The following GPHN variants were observed in gnomAD, a reference collection of about 807,000 sequenced individuals.
GPHN encodes gephyrin.
GPHN carries 17 observed loss-of-function variants against 95.5 expected under a neutral mutation model. That is an observed-to-expected ratio of 0.18 (90% CI 0.12 to 0.27). GPHN has a LOEUF of 0.27. Among genes scored for constraint, GPHN ranks in the 10% least tolerant of loss-of-function variants. The pLI is 1.00. For synonymous variants in GPHN, 320 were observed against 322.5 expected, an observed-to-expected ratio of 0.99 and a Z score of 0.08; for missense variants, 660 against 978.1, an observed-to-expected ratio of 0.67 and a Z score of 4.34.
chr14:67,305,386 C>A, the GPHN span, among the ~76,000 whole-genome samples: 1 of 151,958 alleles, frequency 6.6e-6, no homozygotes, highest in Non-Finnish European at 1.5e-5. Flanking sequence ...CTCAAGCAGT[C>A]CTCCTACCTC....
intron 12 of GPHN, among the ~76,000 whole-genome samples, chr14:67,096,543 C>T (rs752988208): frequency 1.3e-5 from 2 of 151,952 alleles, no homozygotes; most frequent in Non-Finnish European, 2.9e-5. Context: ...TATTTATTAT[C>T]AGCGATGACT....
At chr14:66,855,896 T>C (rs1362040360) in intron 4 of GPHN, among the ~76,000 whole-genome samples, 1 of 152,184 alleles carries the variant, frequency 6.6e-6, no homozygotes, top group Non-Finnish European at 1.5e-5. Flanking sequence ...ATTCCAAGCC[T>C]GAAGTAGCCA....
At chr14:67,660,594 C>T in the GPHN span, among the ~76,000 whole-genome samples, 6 of 152,196 alleles carry the variant, frequency 3.9e-5, no homozygotes, top group Non-Finnish European at 8.8e-5. Flanking sequence ...TCCTGCTCCT[C>T]TTTCTGAAAA....
At chr14:67,208,391 A>C in the GPHN span, 1 of 1,614,022 alleles carries the variant, frequency 6.2e-7, no homozygotes, top group Non-Finnish European at 8.5e-7. Context: ...GAAGGATAAG[A>C]CCTCTGAAGA....
At chr14:66,719,584 A>G (rs191015216) in intron 2 of GPHN, among the ~76,000 whole-genome samples, 12 of 152,160 alleles carry the variant, frequency 7.9e-5, no homozygotes, top group East Asian at 3.9e-4. Context: ...TCTGTAGCCA[A>G]AATTCACCGT....
At chr14:66,709,459 G>C in intron 2 of GPHN, 1 of 455,478 alleles carries the variant, frequency 2.2e-6, no homozygotes, top group Non-Finnish European at 4.4e-6. Flanking sequence ...CAGATGGCTG[G>C]TAAGTGAATA....
intron 4 of GPHN, among the ~76,000 whole-genome samples, chr14:66,832,979 C>A (rs1276947415): frequency 6.6e-6 from 1 of 152,044 alleles, no homozygotes; most frequent in East Asian, 1.9e-4. Flanking sequence ...ATCTTTCTGG[C>A]TAAAACAGAG....
At chr14:66,714,273 G>A (rs780531524) in intron 2 of GPHN, among the ~76,000 whole-genome samples, 24 of 152,116 alleles carry the variant, frequency 1.6e-4, no homozygotes, top group Non-Finnish European at 3.1e-4. Flanking sequence ...AAAAGGAGTT[G>A]AGTTTTTTAT....
At chr14:67,698,056 C>T in the GPHN span, among the ~76,000 whole-genome samples, 3 of 152,168 alleles carry the variant, frequency 2.0e-5, no homozygotes, top group East Asian at 5.8e-4. Context: ...GGCTAATCAA[C>T]ATTGCAGTCA....
chr14:67,080,559 A>T (rs2076654165), intron 11 of GPHN, among the ~76,000 whole-genome samples: 1 of 152,018 alleles, frequency 6.6e-6, no homozygotes, highest in Non-Finnish European at 1.5e-5. Flanking sequence ...TAGGTCTTTA[A>T]TGCAGGTTGA....
chr14:67,056,812 G>A (rs1218442073), intron 10 of GPHN, among the ~76,000 whole-genome samples: 1 of 119,726 alleles, frequency 8.4e-6, no homozygotes, highest in Non-Finnish European at 1.8e-5. Flanking sequence ...CAGTGGGGGT[G>A]GGGGGGGGTC....
chr14:67,695,557 T>C, the GPHN span: 1 of 1,464,402 alleles, frequency 6.8e-7, no homozygotes, highest in South Asian at 1.2e-5. Flanking sequence ...AAGAAAGCTT[T>C]GGTGGGGATT....
At chr14:67,212,576 G>T in the GPHN span, among the ~76,000 whole-genome samples, 1 of 119,378 alleles carries the variant, frequency 8.4e-6, no homozygotes, top group African/African-American at 3.3e-5. Context: ...GGGTGACAGA[G>T]CAAGACCCTG....
the GPHN span, among the ~76,000 whole-genome samples, chr14:67,443,741 C>T: frequency 0.026 from 3,939 of 152,166 alleles, 74 homozygotes; most frequent in Non-Finnish European, 0.037. Flanking sequence ...TGCACTCCAG[C>T]CTGGGCAACA....
chr14:67,416,902 C>T, the GPHN span, among the ~76,000 whole-genome samples: 3 of 152,230 alleles, frequency 2.0e-5, no homozygotes, highest in Non-Finnish European at 4.4e-5. Flanking sequence ...GAGCTGTGAA[C>T]ATTGAGTGGT....
At chr14:66,793,453 A>G (rs926857398) in intron 3 of GPHN, among the ~76,000 whole-genome samples, 1 of 152,242 alleles carries the variant, frequency 6.6e-6, no homozygotes, top group African/African-American at 2.4e-5. Context: ...GATGGTTAAT[A>G]TAATAAGCCA....
the GPHN span, among the ~76,000 whole-genome samples, chr14:67,694,727 G>C: frequency 1.3e-5 from 2 of 151,972 alleles, no homozygotes; most frequent in African/African-American, 4.8e-5. Flanking sequence ...CTGGAAGAGG[G>C]GCACCAGAGA....
At chr14:67,237,066 G>A in the GPHN span, among the ~76,000 whole-genome samples, 1 of 151,698 alleles carries the variant, frequency 6.6e-6, no homozygotes, top group African/African-American at 2.4e-5. Context: ...CTCCAGCCTG[G>A]GTGACTGAGC....
chr14:66,894,964 T>G (rs2064752136), intron 5 of GPHN, among the ~76,000 whole-genome samples: 1 of 152,178 alleles, frequency 6.6e-6, no homozygotes, highest in Non-Finnish European at 1.5e-5. Flanking sequence ...TCCTCAAGGA[T>G]CTAGAACTAG....
Sources: gnomAD v4.1 joint callset for allele counts (sites outside exome capture counted in the v4.1 genomes callset) on GRCh38, gnomAD v4.1.1 for gene constraint, MANE v1.5 for transcripts, NCBI Gene and HGNC (gene_info 2026-07-23, HGNC 2026-07-21) for gene names.